ABCG2: variants seen among roughly 807,000 people sequenced by gnomAD.
ABCG2 encodes the protein ATP binding cassette subfamily G member 2 (JR blood group).
A neutral mutation model predicts 73.5 loss-of-function variants in ABCG2; 80 were observed. The ratio of observed to expected loss-of-function variants is 1.09; its 90% CI spans 0.91 to 1.31. The LOEUF (loss-of-function observed/expected upper bound fraction) is 1.31, where lower values mean the gene tolerates loss of function less well. Ranked by LOEUF, ABCG2 falls within the 50% of genes most tolerant of loss-of-function variation. The pLI, the probability that ABCG2 is intolerant of heterozygous loss-of-function variation, is 0.00. For missense variants in ABCG2, 796 were observed against 786.2 expected (o/e 1.01, Z -0.15); for synonymous variants, 269 against 282.4 (o/e 0.95, Z 0.48).
upstream of ABCG2, among the ~76,000 whole-genome samples, chr4:88,161,665 A>T: frequency 9.9e-5 from 2 of 20,186 alleles, no homozygotes; most frequent in South Asian, 1.5e-3. Flanking sequence ...AGCATGATTT[A>T]TAGTCCTTTG....
intron 1 of ABCG2, among the ~76,000 whole-genome samples, chr4:88,213,974 C>T (rs1285210705): frequency 1.3e-4 from 18 of 139,052 alleles, no homozygotes; most frequent in Non-Finnish European, 1.8e-4. Flanking sequence ...TGAGCCACCA[C>T]GCCCGGCCTT....
chr4:88,210,937 T>C (rs753054864), intron 1 of ABCG2, among the ~76,000 whole-genome samples: 5 of 151,978 alleles, frequency 3.3e-5, no homozygotes, highest in Non-Finnish European at 7.4e-5. Context: ...GAGGCGCAGA[T>C]GCCATGTTCT....
chr4:88,199,892 TC>T (rs1729088941), intron 1 of ABCG2, among the ~76,000 whole-genome samples: 1 of 151,994 alleles, frequency 6.6e-6, no homozygotes, highest in South Asian at 2.1e-4. Context: ...TCCCAACTAC[TC>T]CGGGAGGCTG....
At chr4:88,199,509 A>C (rs1280359775) in intron 1 of ABCG2, among the ~76,000 whole-genome samples, 1 of 152,188 alleles carries the variant, frequency 6.6e-6, no homozygotes, top group Non-Finnish European at 1.5e-5. Context: ...CATCTGACTT[A>C]TTAGAAACCA....
At chr4:88,094,406 G>A (rs1721844794) in intron 15 of ABCG2, among the ~76,000 whole-genome samples, 171 bp downstream of exon 15, 1 of 151,896 alleles carries the variant, frequency 6.6e-6, no homozygotes, top group Non-Finnish European at 1.5e-5. Context: ...CTGAGGGGTT[G>A]TGCCACATGT....
At chr4:88,127,565 C>G (rs905104022) in intron 5 of ABCG2, among the ~76,000 whole-genome samples, 1 of 151,984 alleles carries the variant, frequency 6.6e-6, no homozygotes, top group Non-Finnish European at 1.5e-5. Context: ...GTACTGGTAC[C>G]AAAACAGATA....
At chr4:88,186,890 G>A (rs1728481462) in intron 1 of ABCG2, among the ~76,000 whole-genome samples, 1 of 131,554 alleles carries the variant, frequency 7.6e-6, no homozygotes, top group African/African-American at 3.0e-5. Flanking sequence ...CTGCACTCCA[G>A]CCTGGGCGAC....
rs1721595813 is a variant in ABCG2 at position 88,090,830 on chromosome 4, C to G, written c.*1404G>C. On this transcript the variant is annotated 3_prime_UTR_variant, in exon 16 of 16. Transcript: ENST00000237612. ...TGCAGTTTAATTAACAGTGATTGTA[C>G]CAATGTTAACTTGTTAGCTTTGACA... The G allele has an allele frequency of 6.6e-6, 1 of 152,182 alleles. No homozygotes were observed. Among genetic ancestry groups the G allele is most frequent in the Non-Finnish European group, 1.5e-5 (1 of 68,026 alleles). The allele number at this position is 152,182 out of a possible 1,614,324, so 9.4% of individuals were successfully genotyped here. A position where few individuals can be genotyped will look rare whatever the true frequency, so the allele number is the denominator to read the frequency against.
intron 6 of ABCG2, 138 bp downstream of exon 6, chr4:88,121,497 T>C: frequency 1.2e-6 from 1 of 862,094 alleles, no homozygotes; most frequent in South Asian, 1.9e-5. Context: ...ATAATGCTTT[T>C]CATTTGTTAA....
intron 1 of ABCG2, among the ~76,000 whole-genome samples, chr4:88,148,145 T>C (rs750472647): frequency 6.6e-6 from 1 of 152,168 alleles, no homozygotes; most frequent in Non-Finnish European, 1.5e-5. Context: ...GGTCCACTTA[T>C]ACGCAGATGG....
At chr4:88,219,707 C>A (rs1729943151) in intron 1 of ABCG2, among the ~76,000 whole-genome samples, 1 of 151,126 alleles carries the variant, frequency 6.6e-6, no homozygotes, top group Non-Finnish European at 1.5e-5. Flanking sequence ...TCAGCCTCCC[C>A]AGCAGCTGGG....
chr4:88,095,047 C>A (rs2110172265), intron 14 of ABCG2, among the ~76,000 whole-genome samples: 1 of 152,234 alleles, frequency 6.6e-6, no homozygotes, highest in Admixed American at 6.5e-5. Flanking sequence ...TCATTAGAAC[C>A]AGTTGTAATT....
chr4:88,092,672 T>G (rs1485769731), intron 15 of ABCG2, among the ~76,000 whole-genome samples: 4 of 152,230 alleles, frequency 2.6e-5, no homozygotes, highest in African/African-American at 9.6e-5. Flanking sequence ...TACAGAGTCA[T>G]ACTTTGAATC....
At chr4:88,103,610 A>G in intron 10 of ABCG2, among the ~76,000 whole-genome samples, 1 of 152,200 alleles carries the variant, frequency 6.6e-6, no homozygotes, top group Non-Finnish European at 1.5e-5. Context: ...CAATTCTGAA[A>G]TTTACATTAT....
At chr4:88,103,577 G>C (rs1349667251) in intron 10 of ABCG2, among the ~76,000 whole-genome samples, 1 of 152,064 alleles carries the variant, frequency 6.6e-6, no homozygotes, top group Non-Finnish European at 1.5e-5. Context: ...TATTTTTTGT[G>C]GTAAAAGTAT....
chr4:88,170,863 G>A (rs886346939), intron 1 of ABCG2, among the ~76,000 whole-genome samples: 10 of 152,108 alleles, frequency 6.6e-5, no homozygotes, highest in Non-Finnish European at 8.8e-5. Context: ...TAGCAGATGG[G>A]ATAAAGAAAA....
chr4:88,113,396 G>T lies in ABCG2; in HGVS notation c.1101C>A (p.Ile367=), dbSNP rs756986478. The T allele has an allele frequency of 6.2e-7, 1 of 1,614,038 alleles. No homozygotes were observed. Among genetic ancestry groups the T allele is most frequent in the Admixed American group, 1.7e-5 (1 of 59,990 alleles). The part of the protein sequence containing the change: ...KKKKITVFKE[I]SYTTSFCHQL... ...GATGACAGAAGGAGGTGGTGTAGCT[G>T]ATCTCCTTGAAGACTGTGATCTTCT... Residue 367 remains isoleucine (I), a synonymous_variant, in exon 9 of 16, where the codon ATC becomes ATA. Transcript: ENST00000237612.
At chr4:88,162,949 C>T (rs1159592888), upstream of ABCG2, among the ~76,000 whole-genome samples, 1 of 152,132 alleles carries the variant, frequency 6.6e-6, no homozygotes, top group Admixed American at 6.6e-5. Flanking sequence ...GCCTGTGCAC[C>T]AGTTGCAAAG....
chr4:88,167,345 C>G (rs1053716915), intron 1 of ABCG2, among the ~76,000 whole-genome samples: 6 of 145,076 alleles, frequency 4.1e-5, no homozygotes, highest in Non-Finnish European at 9.0e-5. Flanking sequence ...CCTTCTCAAA[C>G]TTTGAACCCA....
Sources: gnomAD v4.1 joint callset for allele counts (sites outside exome capture counted in the v4.1 genomes callset) on GRCh38, gnomAD v4.1.1 for gene constraint, MANE v1.5 for transcripts, NCBI Gene and HGNC (gene_info 2026-07-23, HGNC 2026-07-21) for gene names.